Variants in PTPRD observed in about 807,000 individuals in gnomAD.
PTPRD encodes protein tyrosine phosphatase receptor type D, also known as receptor-type tyrosine-protein phosphatase delta.
PTPRD carries 34 observed loss-of-function variants against 214.5 expected under a neutral mutation model. The observed-to-expected ratio is 0.16, with a 90% CI of 0.12 to 0.21. PTPRD has a LOEUF of 0.21. PTPRD is among the 10% of genes least tolerant of loss of function. PTPRD has a pLI of 1.00. For synonymous variants in PTPRD, 1,128 were observed against 845.7 expected (o/e 1.33, Z -5.79); for missense variants, 2,545 against 2,398.7 (o/e 1.06, Z -1.27).
chr9:9,688,360 G>A (rs1406939162), intron 7 of PTPRD, among the ~76,000 whole-genome samples: 2 of 151,764 alleles, frequency 1.3e-5, no homozygotes. Context: ...TTGTTTGTTT[G>A]GTGTTTATGC....
At chr9:8,852,058 T>G (rs961596965) in intron 11 of PTPRD, among the ~76,000 whole-genome samples, 2 of 51,068 alleles carry the variant, frequency 3.9e-5, no homozygotes, top group Non-Finnish European at 7.0e-5. Flanking sequence ...CTACTAACGG[T>G]TTAAAAAAAA....
chr9:10,527,844 T>C (rs1450241950), intron 2 of PTPRD, among the ~76,000 whole-genome samples: 1 of 152,158 alleles, frequency 6.6e-6, no homozygotes, highest in African/African-American at 2.4e-5. Flanking sequence ...TTCAAGATAA[T>C]AGTTGCATAT....
chr9:8,822,498 C>T (rs775206689), intron 11 of PTPRD, among the ~76,000 whole-genome samples: 4 of 152,090 alleles, frequency 2.6e-5, no homozygotes, highest in Non-Finnish European at 5.9e-5. Flanking sequence ...TACATTTATA[C>T]CTTGGTTGGA....
intron 7 of PTPRD, among the ~76,000 whole-genome samples, chr9:9,716,750 G>A (rs1291006419): frequency 1.3e-5 from 2 of 151,568 alleles, no homozygotes; most frequent in Non-Finnish European, 1.5e-5. Flanking sequence ...CTGGATATTA[G>A]CCCTTTGTCA....
At chr9:8,341,369 C>G (rs143917356) in intron 40 of PTPRD, 101 bp from the exon 41 acceptor site, 3 of 1,245,276 alleles carry the variant, frequency 2.4e-6, no homozygotes, top group Non-Finnish European at 3.3e-6. Flanking sequence ...AGATATAAAT[C>G]TTTTGTTTAC....
intron 11 of PTPRD, among the ~76,000 whole-genome samples, chr9:8,893,145 G>A (rs1374482673): frequency 1.3e-5 from 2 of 152,062 alleles, no homozygotes; most frequent in East Asian, 3.9e-4. Context: ...CATTTGAAGA[G>A]TTTTGTTTTG....
chr9:9,715,635 T>G (rs1016016840), intron 7 of PTPRD, among the ~76,000 whole-genome samples: 11 of 152,138 alleles, frequency 7.2e-5, no homozygotes, highest in African/African-American at 2.7e-4. Flanking sequence ...AGAATCTAGA[T>G]AGAGATACTT....
intron 7 of PTPRD, among the ~76,000 whole-genome samples, chr9:9,578,979 T>G (rs893074055): frequency 6.6e-6 from 1 of 152,140 alleles, no homozygotes; most frequent in Non-Finnish European, 1.5e-5. Flanking sequence ...ATTTTTACTT[T>G]ATAGATAAAA....
At chr9:9,623,370 G>T (rs1245750619) in intron 7 of PTPRD, among the ~76,000 whole-genome samples, 1 of 152,066 alleles carries the variant, frequency 6.6e-6, no homozygotes, top group Non-Finnish European at 1.5e-5. Context: ...ATCTCAAAAT[G>T]ATGTTTTCAC....
chr9:8,471,103 G>C lies in PTPRD; in HGVS notation c.3414-18C>G, dbSNP rs765075569. 3.1e-6 allele frequency: 5 copies of C among 1,604,564 alleles called. No homozygotes were observed. The highest frequency in any genetic ancestry group is 1.7e-5 in the Admixed American group (1 of 59,934). On this transcript the variant is annotated intron_variant, in intron 30 of 45. Coordinates refer to ENST00000381196, the MANE Select transcript of PTPRD (RefSeq NM_002839.4). ...AGTAACCTCTGCACAAGAATGAATA[G>C]ATAAAAGTTAGGTTAGTTGAAAGGA...
chr9:9,400,194 C>T (rs2069714733), intron 8 of PTPRD, among the ~76,000 whole-genome samples: 2 of 148,714 alleles, frequency 1.3e-5, no homozygotes, highest in Admixed American at 6.8e-5. Context: ...CAATATGTTA[C>T]CTTCCGTGCC....
intron 11 of PTPRD, among the ~76,000 whole-genome samples, chr9:8,799,534 AC>A (rs1273784214): frequency 1.3e-5 from 2 of 152,188 alleles, no homozygotes; most frequent in Non-Finnish European, 2.9e-5. Flanking sequence ...AGGAAGTGTT[AC>A]CTTGCAGATT....
intron 5 of PTPRD, among the ~76,000 whole-genome samples, chr9:9,847,362 C>T (rs1032318571): frequency 6.6e-6 from 1 of 152,070 alleles, no homozygotes; most frequent in Non-Finnish European, 1.5e-5. Context: ...TGAGTACCAT[C>T]TGCAGGATTT....
intron 3 of PTPRD, among the ~76,000 whole-genome samples, chr9:10,107,269 G>A (rs1035257758): frequency 5.3e-5 from 8 of 151,982 alleles, no homozygotes; most frequent in Non-Finnish European, 1.5e-5. Flanking sequence ...AGAAATGGAT[G>A]GAATCTAAGA....
chr9:10,129,287 G>A (rs1407903936), intron 3 of PTPRD, among the ~76,000 whole-genome samples: 2 of 152,024 alleles, frequency 1.3e-5, no homozygotes, highest in Non-Finnish European at 2.9e-5. Context: ...TGGCATGTAC[G>A]GATTTTCAAG....
chr9:9,108,235 T>A (rs142005218), intron 10 of PTPRD, among the ~76,000 whole-genome samples: 154 of 152,288 alleles, frequency 1.0e-3, no homozygotes, highest in African/African-American at 3.1e-3. Context: ...TGGCATTTCT[T>A]GAATTTTTCT....
At chr9:8,858,580 G>C (rs1426712684) in intron 11 of PTPRD, among the ~76,000 whole-genome samples, 1 of 152,148 alleles carries the variant, frequency 6.6e-6, no homozygotes, top group East Asian at 1.9e-4. Context: ...TCCTCGTAAC[G>C]TGCTGGGGAT....
chr9:9,821,705 G>A (rs1231369054), intron 5 of PTPRD, among the ~76,000 whole-genome samples: 1 of 151,812 alleles, frequency 6.6e-6, no homozygotes, highest in African/African-American at 2.4e-5. Flanking sequence ...ATAGCCCTCT[G>A]AAATAGGTTA....
At chr9:8,915,419 C>G (rs190506402) in intron 11 of PTPRD, among the ~76,000 whole-genome samples, 1 of 152,024 alleles carries the variant, frequency 6.6e-6, no homozygotes, top group African/African-American at 2.4e-5. Flanking sequence ...GTAAGATCAA[C>G]GGGGATTGTG....
Sources: allele counts gnomAD v4.1 joint callset (sites outside exome capture counted in the v4.1 genomes callset), GRCh38; gene constraint gnomAD v4.1.1; transcripts MANE v1.5; gene names NCBI Gene and HGNC (gene_info 2026-07-23, HGNC 2026-07-21).